The following MYO5B variants were observed in gnomAD, a reference collection of about 807,000 sequenced individuals.
The protein encoded by MYO5B is unconventional myosin-Vb.
Under a neutral mutation model 229.3 loss-of-function variants are expected in MYO5B, and 143 were observed. That is an observed-to-expected ratio of 0.62 (90% CI 0.54 to 0.72). The LOEUF is 0.72. Among genes scored for constraint, MYO5B ranks in the 30% least tolerant of loss-of-function variants. The probability of loss-of-function intolerance (pLI) is 0.00; values close to 1 mark genes in which losing one functional copy is unlikely to be tolerated. For missense variants in MYO5B, 2,321 were observed against 2,331.0 expected (o/e 1.00, Z 0.09); for synonymous variants, 918 against 885.2 (o/e 1.04, Z -0.66).
intron 4 of MYO5B, among the ~76,000 whole-genome samples, chr18:50,007,123 C>T (rs998702630): frequency 2.6e-5 from 4 of 152,194 alleles, no homozygotes; most frequent in Non-Finnish European, 2.9e-5. Flanking sequence ...ACACTCAGTT[C>T]GCACATCACT....
At position 49,826,588 on chromosome 18, in the gene MYO5B, C is replaced by T. The variant is rs371982786; in HGVS notation, c.5430G>A (p.Leu1810=). Residue 1810 remains leucine (L), a synonymous_variant, in exon 40 of 40, where the codon CTG becomes CTA. Transcript: ENST00000285039. ...GAAACATGTGCTTGGCATCTAATAG[C>T]AGTTGCTGAGGGTCATTCCGCTCTT... ...QLQERNDPQQ[L]LLDAKHMFPV... 1.9e-6 allele frequency: 3 copies of T among 1,613,704 alleles called. No homozygotes were observed. In the African/African-American group the frequency reaches 4.0e-5, roughly 22 times the overall value.
At chr18:49,896,791 A>C (rs1290042466) in intron 21 of MYO5B, among the ~76,000 whole-genome samples, 1 of 152,176 alleles carries the variant, frequency 6.6e-6, no homozygotes, top group Non-Finnish European at 1.5e-5. Flanking sequence ...GACCTGGCTC[A>C]GGGATGTCAG....
intron 9 of MYO5B, among the ~76,000 whole-genome samples, chr18:49,978,694 TACACAC>T (rs10527520): frequency 0.025 from 3,537 of 139,152 alleles, 52 homozygotes; most frequent in Non-Finnish European, 0.033. Context: ...CAGCAAGTAA[TACACAC>T]ACACACACAC....
intron 1 of MYO5B, among the ~76,000 whole-genome samples, chr18:50,181,590 T>C (rs2033074619): frequency 6.6e-6 from 1 of 152,236 alleles, no homozygotes; most frequent in African/African-American, 2.4e-5. Flanking sequence ...ACCATCAGGT[T>C]TGAAGCCAGT....
At chr18:49,978,999 G>T (rs1033870756) in intron 9 of MYO5B, among the ~76,000 whole-genome samples, 1 of 152,164 alleles carries the variant, frequency 6.6e-6, no homozygotes, top group South Asian at 2.1e-4. Flanking sequence ...TATGCATGGG[G>T]AGGCACAGAT....
chr18:49,980,221 C>A lies in MYO5B; in HGVS notation c.1056+223G>T, dbSNP rs537542073. 1.7e-4 allele frequency among the ~76,000 whole-genome samples: 26 copies of A among 152,286 alleles called. 1 individual carries two copies. In the South Asian group the frequency reaches 5.4e-3, roughly 32 times the overall value. The stretch of plus-strand genomic sequence containing the variant: ...AATCAACCCAACAAAAAGAATTTAT[C>A]AAATAGCCACTACATTCCCTGTCCT... On this transcript the variant is annotated intron_variant, in intron 9 of 39. Coordinates refer to ENST00000285039, the MANE Select transcript of MYO5B (RefSeq NM_001080467.3).
intron 8 of MYO5B, among the ~76,000 whole-genome samples, chr18:49,983,956 C>G (rs1246933846): frequency 1.3e-5 from 2 of 152,180 alleles, no homozygotes; most frequent in African/African-American, 4.8e-5. Flanking sequence ...GCTCAGAAGC[C>G]AAATGTTCTC....
chr18:49,966,846 G>A (rs1051838265), intron 10 of MYO5B, among the ~76,000 whole-genome samples: 18 of 152,294 alleles, frequency 1.2e-4, no homozygotes, highest in Admixed American at 2.6e-4. Context: ...TGAGGGGCTC[G>A]GGCAGCTTGG....
intron 14 of MYO5B, among the ~76,000 whole-genome samples, chr18:49,945,487 TGCTCCA>T (rs1302822937): frequency 1.3e-5 from 2 of 151,870 alleles, no homozygotes; most frequent in Non-Finnish European, 2.9e-5. Context: ...CTGGAGCTGC[TGCTCCA>T]GCTCAGGACT....
chr18:50,180,994 C>T (rs1334249785), intron 1 of MYO5B, among the ~76,000 whole-genome samples: 3 of 152,208 alleles, frequency 2.0e-5, no homozygotes, highest in African/African-American at 4.8e-5. Flanking sequence ...ATCTTTCATT[C>T]ACTTACATTC....
intron 5 of MYO5B, among the ~76,000 whole-genome samples, chr18:49,995,552 T>C (rs1206309368): frequency 6.6e-6 from 1 of 152,094 alleles, no homozygotes; most frequent in Non-Finnish European, 1.5e-5. Context: ...CTTATATCTT[T>C]TTATGTAAAA....
chr18:50,038,629 T>C (rs2029908574), intron 3 of MYO5B, among the ~76,000 whole-genome samples: 1 of 152,220 alleles, frequency 6.6e-6, no homozygotes, highest in Non-Finnish European at 1.5e-5. Context: ...TTAAACATCC[T>C]GGCCCCTCCA....
intron 1 of MYO5B, among the ~76,000 whole-genome samples, chr18:50,184,658 A>G (rs1403491982): frequency 6.6e-6 from 1 of 152,204 alleles, no homozygotes; most frequent in Non-Finnish European, 1.5e-5. Context: ...AGAACAAATG[A>G]AGGGGAAAAT....
intron 5 of MYO5B, among the ~76,000 whole-genome samples, chr18:49,994,420 C>T (rs2025965212): frequency 6.6e-6 from 1 of 152,200 alleles, no homozygotes; most frequent in Non-Finnish European, 1.5e-5. Flanking sequence ...CTTGCAAAAA[C>T]CAGTTGGAGT....
At chr18:49,993,409 G>T (rs1245025138) in intron 5 of MYO5B, among the ~76,000 whole-genome samples, 4 of 151,958 alleles carry the variant, frequency 2.6e-5, no homozygotes, top group African/African-American at 9.7e-5. Flanking sequence ...TATTGACAAG[G>T]CTGGCAGAAT....
At chr18:50,105,506 CCTT>C (rs1364371961) in intron 1 of MYO5B, among the ~76,000 whole-genome samples, 1 of 152,182 alleles carries the variant, frequency 6.6e-6, no homozygotes, top group Non-Finnish European at 1.5e-5. Context: ...ACGACAGTCT[CCTT>C]AAGTTCCGTA....
chr18:49,925,198 T>C (rs1255215917), intron 17 of MYO5B, among the ~76,000 whole-genome samples: 1 of 152,254 alleles, frequency 6.6e-6, no homozygotes, highest in Non-Finnish European at 1.5e-5. Context: ...AGAGTTCATC[T>C]GCATGATAAA....
At chr18:49,909,493 G>C (rs2024935302) in intron 18 of MYO5B, among the ~76,000 whole-genome samples, 2 of 152,234 alleles carry the variant, frequency 1.3e-5, no homozygotes, top group Non-Finnish European at 2.9e-5. Context: ...CATAGGATGA[G>C]CCATTACTGG....
intron 12 of MYO5B, 48 bp downstream of exon 12, chr18:49,962,218 A>G (rs1207244000): frequency 6.2e-7 from 1 of 1,611,784 alleles, no homozygotes; most frequent in East Asian, 2.2e-5. Context: ...ATTTCCTTGT[A>G]TCACATCCCT....
Sources: allele counts gnomAD v4.1 joint callset (sites outside exome capture counted in the v4.1 genomes callset), GRCh38; gene constraint gnomAD v4.1.1; transcripts MANE v1.5; gene names NCBI Gene and HGNC (gene_info 2026-07-23, HGNC 2026-07-21).